The following GMDS variants were observed in gnomAD, a reference collection of about 807,000 sequenced individuals.
GMDS encodes the protein GDP-mannose 4,6 dehydratase.
GMDS carries 20 observed loss-of-function variants against 49.9 expected under a neutral mutation model. That is an observed-to-expected ratio of 0.40 (90% CI 0.28 to 0.58). GMDS has a LOEUF of 0.58. Among genes scored for constraint, GMDS ranks in the 20% least tolerant of loss-of-function variants. The probability of loss-of-function intolerance (pLI) is 0.42; values close to 1 mark genes in which losing one functional copy is unlikely to be tolerated. For synonymous variants in GMDS, 177 were observed against 178.6 expected, an observed-to-expected ratio of 0.99 and a Z score of 0.07; for missense variants, 362 against 481.4, an observed-to-expected ratio of 0.75 and a Z score of 2.32.
chr6:1,862,588 T>G (rs1189135392), intron 7 of GMDS, among the ~76,000 whole-genome samples: 1 of 152,238 alleles, frequency 6.6e-6, no homozygotes, highest in Non-Finnish European at 1.5e-5. Context: ...ATTAATATAT[T>G]TCCACAACTT....
intron 1 of GMDS, among the ~76,000 whole-genome samples, chr6:2,217,131 G>T (rs988737340): frequency 1.3e-5 from 2 of 152,250 alleles, no homozygotes; most frequent in South Asian, 4.1e-4. Context: ...TAAGCATCAG[G>T]TAAGCAGCTT....
intron 4 of GMDS, among the ~76,000 whole-genome samples, chr6:2,027,938 T>A (rs1184087372): frequency 6.6e-6 from 1 of 152,164 alleles, no homozygotes; most frequent in Non-Finnish European, 1.5e-5. Context: ...TCTTCTACAC[T>A]TTTGGACTCT....
intron 7 of GMDS, among the ~76,000 whole-genome samples, chr6:1,804,240 A>T (rs546309378): frequency 6.6e-6 from 1 of 152,380 alleles, no homozygotes; most frequent in South Asian, 2.1e-4. Flanking sequence ...GAACAATAAA[A>T]GCTCTCTGTG....
At chr6:2,136,948 G>A (rs990944984) in intron 1 of GMDS, among the ~76,000 whole-genome samples, 2 of 150,326 alleles carry the variant, frequency 1.3e-5, no homozygotes, top group African/African-American at 2.4e-5. Context: ...ATTTGACTTT[G>A]AAGTATAAGC....
chr6:2,013,951 T>C (rs1419174738), intron 4 of GMDS, among the ~76,000 whole-genome samples: 4 of 81,430 alleles, frequency 4.9e-5, no homozygotes, highest in Admixed American at 1.3e-4. Context: ...TATATATATA[T>C]ATATATATGC....
intron 1 of GMDS, among the ~76,000 whole-genome samples, chr6:2,127,969 T>G (rs1333607736): frequency 6.6e-6 from 1 of 152,244 alleles, no homozygotes; most frequent in Non-Finnish European, 1.5e-5. Flanking sequence ...TCATTCAGTA[T>G]GAACACAATT....
chr6:1,810,061 T>C (rs1458441325), intron 7 of GMDS, among the ~76,000 whole-genome samples: 1 of 152,128 alleles, frequency 6.6e-6, no homozygotes, highest in Admixed American at 6.5e-5. Context: ...GCAGTTGCTA[T>C]GTGGTAGCCC....
chr6:1,926,949 G>A (rs1191678172), intron 7 of GMDS, among the ~76,000 whole-genome samples: 1 of 152,050 alleles, frequency 6.6e-6, no homozygotes, highest in African/African-American at 2.4e-5. Flanking sequence ...GTCTCTCCAT[G>A]GAATCTGACC....
At chr6:2,234,224 T>C (rs1305746966) in intron 1 of GMDS, among the ~76,000 whole-genome samples, 1 of 152,202 alleles carries the variant, frequency 6.6e-6, no homozygotes, top group East Asian at 1.9e-4. Context: ...TCTTATTCCT[T>C]CCTATCCATC....
chr6:1,799,626 C>G (rs756905676), intron 7 of GMDS, among the ~76,000 whole-genome samples: 4 of 151,812 alleles, frequency 2.6e-5, no homozygotes, highest in Non-Finnish European at 4.4e-5. Context: ...GAAGGCAAAG[C>G]AAGGAAATCA....
At chr6:2,051,839 C>A (rs1770412953) in intron 4 of GMDS, among the ~76,000 whole-genome samples, 1 of 152,094 alleles carries the variant, frequency 6.6e-6, no homozygotes. Flanking sequence ...AGTGGGCTGG[C>A]TGGGTGCAGT....
chr6:1,890,638 G>A (rs1203299762), intron 7 of GMDS, among the ~76,000 whole-genome samples: 2 of 152,016 alleles, frequency 1.3e-5, no homozygotes, highest in African/African-American at 4.8e-5. Flanking sequence ...TATCTAAGAA[G>A]GCTATGTCTA....
At chr6:2,124,880 T>C (rs574002839) in intron 1 of GMDS, 149 bp from the exon 2 acceptor site, 6 of 648,680 alleles carry the variant, frequency 9.2e-6, no homozygotes, top group Non-Finnish European at 1.7e-5. Flanking sequence ...ATAATGTCAA[T>C]AAATACCACA....
chr6:2,164,623 T>C (rs1777570163), intron 1 of GMDS, among the ~76,000 whole-genome samples: 1 of 152,154 alleles, frequency 6.6e-6, no homozygotes, highest in African/African-American at 2.4e-5. Context: ...CACATCCCCA[T>C]CCCAACTTTC....
intron 7 of GMDS, among the ~76,000 whole-genome samples, chr6:1,820,730 A>C (rs941332561): frequency 6.6e-6 from 1 of 152,230 alleles, no homozygotes; most frequent in African/African-American, 2.4e-5. Context: ...AAGTTCACTG[A>C]ATTTCCAAAA....
At chr6:1,940,877 T>C (rs1294073463) in intron 6 of GMDS, among the ~76,000 whole-genome samples, 1 of 152,228 alleles carries the variant, frequency 6.6e-6, no homozygotes, top group Non-Finnish European at 1.5e-5. Context: ...ATAAGTCCTT[T>C]TTATTGCTGG....
At chr6:1,653,001 C>A (rs1763763605) in intron 9 of GMDS, among the ~76,000 whole-genome samples, 2 of 151,334 alleles carry the variant, frequency 1.3e-5, no homozygotes. Context: ...TGCAGTCACC[C>A]AGGTCTCCGA....
At chr6:1,641,852 C>G (rs535864518) in intron 9 of GMDS, among the ~76,000 whole-genome samples, 1 of 152,300 alleles carries the variant, frequency 6.6e-6, no homozygotes, top group East Asian at 1.9e-4. Flanking sequence ...GGCTCCCCCA[C>G]GCATCTCTCT....
At position 2,116,241 on chromosome 6, in the gene GMDS, C is replaced by T. The variant is rs191086821; in HGVS notation, c.236-361G>A. Among the ~76,000 whole-genome samples the T allele has an allele frequency of 1.5e-4, 22 of 151,692 alleles. 1 individual carries two copies. The highest frequency in any genetic ancestry group is 1.4e-3 in the Admixed American group (22 of 15,252). The stretch of plus-strand genomic sequence containing the variant: ...GAAAACCTTGTAATAACATGTATAC[C>T]ATCTAAAGCAATCCATAACACTGAT... On this transcript the variant is annotated intron_variant, in intron 3 of 10. Coordinates refer to ENST00000380815, the MANE Select transcript of GMDS (RefSeq NM_001500.4).
Sources: gnomAD v4.1 joint callset for allele counts (sites outside exome capture counted in the v4.1 genomes callset) on GRCh38, gnomAD v4.1.1 for gene constraint, MANE v1.5 for transcripts, NCBI Gene and HGNC (gene_info 2026-07-23, HGNC 2026-07-21) for gene names.